The following LYRM4 variants were observed in gnomAD, a reference collection of about 807,000 sequenced individuals.
The protein encoded by LYRM4 is LYR motif containing 4.
LYRM4 carries 9 observed loss-of-function variants against 11.7 expected under a neutral mutation model. That is an observed-to-expected ratio of 0.77 (90% CI 0.46 to 1.34). LYRM4 has a LOEUF of 1.34. LYRM4 is among the 40% of genes most tolerant of loss of function. The pLI is 0.00. For synonymous variants in LYRM4, 42 were observed against 40.4 expected, an observed-to-expected ratio of 1.04 and a Z score of -0.15; for missense variants, 133 against 112.5, an observed-to-expected ratio of 1.18 and a Z score of -0.82.
At chr6:5,112,717 A>G (rs13194957) in intron 2 of LYRM4, among the ~76,000 whole-genome samples, 31,297 of 152,252 alleles carry the variant, frequency 0.21, 3,526 homozygotes, top group African/African-American at 0.27. Context: ...GAGGGCACGC[A>G]GGACTAGAGG....
At chr6:5,074,192 T>C in the LYRM4 span, among the ~76,000 whole-genome samples, 1 of 152,150 alleles carries the variant, frequency 6.6e-6, no homozygotes, top group Admixed American at 6.5e-5. Context: ...TTTTGCAAAT[T>C]CTACAAAAGC....
At chr6:5,188,859 G>A (rs1760578397) in intron 2 of LYRM4, among the ~76,000 whole-genome samples, 1 of 152,176 alleles carries the variant, frequency 6.6e-6, no homozygotes, top group South Asian at 2.1e-4. Context: ...GACCTTTGGG[G>A]CTCAAGGAAT....
At chr6:5,116,573 C>T (rs146657596) in intron 2 of LYRM4, among the ~76,000 whole-genome samples, 10 of 152,278 alleles carry the variant, frequency 6.6e-5, no homozygotes, top group African/African-American at 1.2e-4. Context: ...GTCTGGTCAA[C>T]GGAAGTAAGG....
downstream of LYRM4, chr6:5,107,677 G>A (rs1355377169): frequency 1.3e-5 from 2 of 152,182 alleles, no homozygotes; most frequent in East Asian, 3.8e-4. Context: ...CTGGTTAGAG[G>A]GTAAGAGATC....
intron 2 of LYRM4, among the ~76,000 whole-genome samples, chr6:5,193,674 T>C (rs185663866): frequency 3.3e-5 from 5 of 152,288 alleles, no homozygotes; most frequent in Admixed American, 3.3e-4. Flanking sequence ...CAAGAGACCA[T>C]GTTGATGGCT....
chr6:5,257,860 C>CA (rs1442773972), intron 1 of LYRM4, among the ~76,000 whole-genome samples: 1 of 152,048 alleles, frequency 6.6e-6, no homozygotes, highest in Non-Finnish European at 1.5e-5. Context: ...TAGCACTGGG[C>CA]AAAGCATGCT....
At chr6:5,090,015 G>GAC in the LYRM4 span, among the ~76,000 whole-genome samples, 19,507 of 149,682 alleles carry the variant, frequency 0.13, 1,517 homozygotes, top group Non-Finnish European at 0.19. This position sits in a 1 kb window ranked among gnomAD's most constrained non-coding sequence, Gnocchi z 4.8. Context: ...CTGAAAGGAA[G>GAC]ACACACACAC....
At chr6:5,093,883 A>G in the LYRM4 span, among the ~76,000 whole-genome samples, 149 of 152,344 alleles carry the variant, frequency 9.8e-4, no homozygotes, top group South Asian at 1.7e-3. Context: ...TGAAAATGCA[A>G]TGTAGCCTCG....
the LYRM4 span, among the ~76,000 whole-genome samples, chr6:5,045,738 G>A: frequency 2.6e-5 from 4 of 152,136 alleles, no homozygotes; most frequent in East Asian, 1.9e-4. Flanking sequence ...AGAAGCTCAC[G>A]GAACTCAAAT....
At chr6:5,162,148 G>A (rs1758797061) in intron 2 of LYRM4, among the ~76,000 whole-genome samples, 3 of 152,152 alleles carry the variant, frequency 2.0e-5, no homozygotes, top group Non-Finnish European at 4.4e-5. Context: ...GCACCACCAA[G>A]GCTGTCAACC....
At chr6:5,221,566 G>C (rs1037046405) in intron 1 of LYRM4, among the ~76,000 whole-genome samples, 2 of 152,180 alleles carry the variant, frequency 1.3e-5, no homozygotes, top group Admixed American at 6.5e-5. Flanking sequence ...GGTGGCACAT[G>C]TCTGTAATCC....
the LYRM4 span, among the ~76,000 whole-genome samples, chr6:5,073,090 T>C: frequency 6.6e-6 from 1 of 152,134 alleles, no homozygotes; most frequent in Non-Finnish European, 1.5e-5. Context: ...AAATGTAGTA[T>C]AGGGGCCGGA....
chr6:5,258,311 C>G (rs1239623169), intron 1 of LYRM4, among the ~76,000 whole-genome samples: 1 of 152,246 alleles, frequency 6.6e-6, no homozygotes, highest in Non-Finnish European at 1.5e-5. Context: ...AAAACGTTTA[C>G]TAGTCTGCTT....
In LYRM4 at chr6:5,131,675, T is replaced by TGG. The variant is rs770743282; in HGVS notation, c.208-22185_208-22184insCC. Among the ~76,000 whole-genome samples the TGG allele has an allele frequency of 1.4e-3, 216 of 152,368 alleles. 2 individuals carry two copies. Among genetic ancestry groups the TGG allele is most frequent in the Non-Finnish European group, 1.6e-3 (108 of 68,042 alleles). The stretch of plus-strand genomic sequence containing the variant: ...CTGAAAAGGCTCAAACCAGTAGATA[T>TGG]TTTAATCTCTTCTATGGTAATTGGT... On this transcript the variant is annotated intron_variant, in intron 2 of 2. Coordinates refer to ENST00000330636, the MANE Select transcript of LYRM4 (RefSeq NM_020408.6).
intron 1 of LYRM4, among the ~76,000 whole-genome samples, chr6:5,246,404 G>T (rs183104305): frequency 3.3e-4 from 51 of 152,266 alleles, no homozygotes; most frequent in Middle Eastern, 3.4e-3. Context: ...CAAAGATTGG[G>T]TTCAGTTCTC....
chr6:5,198,331 A>C (rs1419602008), intron 2 of LYRM4, among the ~76,000 whole-genome samples: 2 of 152,258 alleles, frequency 1.3e-5, no homozygotes, highest in Non-Finnish European at 2.9e-5. Context: ...TGAAAAAAGA[A>C]GACTAAAGAT....
chr6:5,099,631 T>C (rs1287622606), downstream of LYRM4, among the ~76,000 whole-genome samples: 1 of 152,168 alleles, frequency 6.6e-6, no homozygotes, highest in African/African-American at 2.4e-5. This position sits in a 1 kb window ranked among gnomAD's most constrained non-coding sequence, Gnocchi z 4.3. Context: ...TGTTTTGAGA[T>C]GGGGTCTTGC....
At chr6:5,172,438 TC>T (rs1395155332) in intron 2 of LYRM4, among the ~76,000 whole-genome samples, 2 of 152,108 alleles carry the variant, frequency 1.3e-5, no homozygotes, top group Admixed American at 6.6e-5. Flanking sequence ...CACGAGCACC[TC>T]CCTTCCTTTT....
In LYRM4 at chr6:5,168,659, G is replaced by A. The variant is rs184295509; in HGVS notation, c.207+47959C>T. Among the ~76,000 whole-genome samples, 164 of 152,284 alleles carry A rather than the reference G, an allele frequency of 1.1e-3. 4 individuals carry two copies. Among genetic ancestry groups the A allele is most frequent in the Admixed American group, 0.011 (164 of 15,296 alleles). On this transcript the variant is annotated intron_variant, in intron 2 of 2. Transcript: ENST00000330636. ...ACTGATCCTGGATGGGGCAGGGGCA[G>A]GGGCAGGGAAGGGCTTGGTGGGGAG...
Sources: gnomAD v4.1 joint callset for allele counts (sites outside exome capture counted in the v4.1 genomes callset) on GRCh38, gnomAD v4.1.1 for gene constraint, Gnocchi (gnomAD v3.1) non-coding constraint, MANE v1.5 for transcripts, NCBI Gene and HGNC (gene_info 2026-07-23, HGNC 2026-07-21) for gene names.